CUX2: variants seen among roughly 807,000 people sequenced by gnomAD.
The protein encoded by CUX2 is homeobox protein cut-like 2.
In CUX2, 40 loss-of-function variants were observed where a neutral mutation model predicts 144.8. The observed-to-expected ratio is 0.28, with a 90% CI of 0.21 to 0.36. The LOEUF (loss-of-function observed/expected upper bound fraction) is 0.36, where lower values mean the gene tolerates loss of function less well. Among genes scored for constraint, CUX2 ranks in the 10% least tolerant of loss-of-function variants. The pLI is 1.00. For synonymous variants in CUX2, 827 were observed against 875.6 expected (o/e 0.94, Z 0.98); for missense variants, 1,615 against 1,994.0 (o/e 0.81, Z 3.62).
At chr12:111,089,226 C>A (rs1171292126) in intron 1 of CUX2, among the ~76,000 whole-genome samples, 2 of 152,238 alleles carry the variant, frequency 1.3e-5, no homozygotes, top group African/African-American at 2.4e-5. Context: ...AGGGCACAGG[C>A]CCTGGAGGCC....
intron 3 of CUX2, among the ~76,000 whole-genome samples, chr12:111,262,069 C>T (rs1415611584): frequency 6.6e-6 from 1 of 152,156 alleles, no homozygotes; most frequent in Non-Finnish European, 1.5e-5. Flanking sequence ...GGGTCAGCCT[C>T]CCCCCAATTT....
At position 111,338,286 on chromosome 12, in the gene CUX2, G is replaced by A; in HGVS notation, c.3197G>A (p.Gly1066Glu). 1 of 1,606,230 alleles carries A rather than the reference G, an allele frequency of 6.2e-7. No homozygotes were observed. Among genetic ancestry groups the A allele is most frequent in the Non-Finnish European group, 8.5e-7 (1 of 1,175,960 alleles). Residue 1066 changes from glycine to glutamate, a missense_variant and splice_region_variant, in exon 20 of 22, where the codon GGG becomes GAG. Physicochemically the swap from Gly to Glu is moderately conservative, Grantham distance 98. Coordinates refer to ENST00000261726, the MANE Select transcript of CUX2 (RefSeq NM_015267.4). Reference sequence around the variant, plus strand: ...GATTGCTCCCCTCCCCTATCCCCAGGGCAGCGGCTGTTTGGGGAAAGCATC... The same window carrying A: ...GATTGCTCCCCTCCCCTATCCCCAGAGCAGCGGCTGTTTGGGGAAAGCATC... Reference protein sequence around the residue: ...VKEVLTDNNLGQRLFGESILG... With the variant: ...VKEVLTDNNLEQRLFGESILG...
chr12:111,150,457 G>A (rs1471527759), intron 1 of CUX2, among the ~76,000 whole-genome samples: 1 of 152,204 alleles, frequency 6.6e-6, no homozygotes, highest in Non-Finnish European at 1.5e-5. Flanking sequence ...TCAGCTGTGT[G>A]TGGGTAACAC....
In CUX2 at chr12:111,296,493, G is replaced by T; in HGVS notation, c.658G>T (p.Glu220Ter). The change falls in exon 8 of 22, where the codon GAG becomes TAG. Residue 220 changes from glutamate (E) to a stop codon, truncating the protein, a stop_gained. Coordinates refer to ENST00000261726, the MANE Select transcript of CUX2 (RefSeq NM_015267.4). LOFTEE classifies it high-confidence loss of function. ...CCCAGCGCTAAAGGCTACGCAGGCAGAGCTGCTAGAGCTGCGGCGGAAGTA... is the reference window on the plus strand; with the variant it reads ...CCCAGCGCTAAAGGCTACGCAGGCATAGCTGCTAGAGCTGCGGCGGAAGTA... ...LHSALKATQAELLELRRKYDE... is the reference protein window; with the variant it reads ...LHSALKATQA 6.2e-7 allele frequency: 1 copy of T among 1,610,652 alleles called. No individual in the cohort carries two copies. Among genetic ancestry groups the T allele is most frequent in the South Asian group, 1.1e-5 (1 of 90,262 alleles).
intron 4 of CUX2, among the ~76,000 whole-genome samples, chr12:111,290,422 C>T (rs1592923759): frequency 6.6e-6 from 1 of 151,984 alleles, no homozygotes; most frequent in East Asian, 1.9e-4. Flanking sequence ...CCACCATGCC[C>T]AGCTAATTTT....
chr12:111,136,485 G>A lies in CUX2; in HGVS notation c.64-77715G>A, dbSNP rs923632874. ...GCCTCTTGACAGGGAGACCCCAGCT[G>A]CATTTGAGCAGCCTCTGGAAAAATT... On this transcript the variant is annotated intron_variant, in intron 1 of 21. Transcript: ENST00000261726. Among the ~76,000 whole-genome samples the A allele has an allele frequency of 2.0e-5, 3 of 152,314 alleles. No homozygotes were observed. The South Asian group carries it at 6.2e-4, about 32-fold the overall frequency.
At chr12:111,099,464 G>C in intron 1 of CUX2, 1 of 432,922 alleles carries the variant, frequency 2.3e-6, no homozygotes, top group Admixed American at 2.5e-5. Context: ...GCCAGGTTGG[G>C]TCACTGCTGG....
At chr12:111,187,163 T>C (rs1036716076) in intron 1 of CUX2, among the ~76,000 whole-genome samples, 2 of 152,212 alleles carry the variant, frequency 1.3e-5, no homozygotes. Flanking sequence ...TGTTCACTTA[T>C]GCTACCCTTG....
chr12:111,078,872 T>A (rs1461133555), intron 1 of CUX2, among the ~76,000 whole-genome samples: 1 of 151,950 alleles, frequency 6.6e-6, no homozygotes, highest in Non-Finnish European at 1.5e-5. Flanking sequence ...GGGAAGCGGA[T>A]GGGTTCGATC....
At chr12:111,168,364 C>T (rs985036639) in intron 1 of CUX2, among the ~76,000 whole-genome samples, 1 of 152,224 alleles carries the variant, frequency 6.6e-6, no homozygotes, top group Non-Finnish European at 1.5e-5. Context: ...TGTCACCTGT[C>T]CCCTGCAGAT....
rs1243920166 is a variant in CUX2, at chr12:111,255,063, C to G, written c.223-8698C>G. 6.6e-6 allele frequency among the ~76,000 whole-genome samples: 1 copy of G among 152,200 alleles called. No individual in the cohort carries two copies. The highest frequency in any genetic ancestry group is 2.4e-5 in the African/African-American group (1 of 41,458). On this transcript the variant is annotated intron_variant, in intron 3 of 21. Coordinates refer to ENST00000261726, the MANE Select transcript of CUX2 (RefSeq NM_015267.4). The surrounding 1 kb of genome is among the most constrained non-coding windows in gnomAD (Gnocchi z 4.1). ...TGTTGGCCAGGCTGGTCTCGAACTCCTGACCACAGATGATCCCTCCGCCTC... is the reference window on the plus strand; with the variant it reads ...TGTTGGCCAGGCTGGTCTCGAACTCGTGACCACAGATGATCCCTCCGCCTC...
At chr12:111,103,071 C>T (rs1435700825) in intron 1 of CUX2, among the ~76,000 whole-genome samples, 1 of 152,152 alleles carries the variant, frequency 6.6e-6, no homozygotes, top group Non-Finnish European at 1.5e-5. Flanking sequence ...AGAGGGGACA[C>T]TCCTCTTACC....
intron 1 of CUX2, among the ~76,000 whole-genome samples, chr12:111,062,149 C>T (rs1870805871): frequency 6.6e-6 from 1 of 152,174 alleles, no homozygotes; most frequent in Non-Finnish European, 1.5e-5. Context: ...CTCACTTAAT[C>T]CTTGCGGAAT....
intron 21 of CUX2, among the ~76,000 whole-genome samples, chr12:111,346,677 T>C (rs1267546255): frequency 1.3e-5 from 2 of 152,208 alleles, no homozygotes; most frequent in African/African-American, 4.8e-5. Context: ...TTCTATGACC[T>C]TGGACAAGTT....
At chr12:111,084,620 T>G (rs967447400) in intron 1 of CUX2, among the ~76,000 whole-genome samples, 1 of 152,244 alleles carries the variant, frequency 6.6e-6, no homozygotes, top group Non-Finnish European at 1.5e-5. Flanking sequence ...ACACTTTATA[T>G]TTCTGCGAAC....
At chr12:111,233,275 G>A (rs1403480083) in intron 3 of CUX2, among the ~76,000 whole-genome samples, 2 of 152,154 alleles carry the variant, frequency 1.3e-5, no homozygotes, top group Middle Eastern at 3.4e-3. Context: ...CTGGCTCGCT[G>A]GCCACCATTG....
intron 4 of CUX2, among the ~76,000 whole-genome samples, chr12:111,282,883 G>C (rs973184228): frequency 1.3e-5 from 2 of 151,966 alleles, no homozygotes; most frequent in African/African-American, 2.4e-5. Flanking sequence ...CCCACCAAAG[G>C]CTGTTCAGAA....
chr12:111,154,069 C>G (rs1243813474), intron 1 of CUX2, among the ~76,000 whole-genome samples: 3 of 152,064 alleles, frequency 2.0e-5, no homozygotes, highest in Admixed American at 6.6e-5. Flanking sequence ...GTTAAAAGAC[C>G]CTGTCTCCAA....
rs550106082 is a variant in CUX2 at position 111,293,825 on chromosome 12, AG to A, written c.560+259del. On this transcript the variant is annotated intron_variant, in intron 6 of 21. Coordinates refer to ENST00000261726, the MANE Select transcript of CUX2 (RefSeq NM_015267.4). This position sits in a 1 kb window ranked among gnomAD's most constrained non-coding sequence, Gnocchi z 4.5. ...CTTCCCTACCTGGGAAATGGGGCTAAGGGTGGTCCATTCCTCAGCATTCTCT... is the reference window on the plus strand; with the variant it reads ...CTTCCCTACCTGGGAAATGGGGCTAAGGTGGTCCATTCCTCAGCATTCTCT... Among the ~76,000 whole-genome samples, 242 of 152,336 alleles carry A rather than the reference AG, an allele frequency of 1.6e-3. 1 individual carries two copies. The highest frequency in any genetic ancestry group is 3.2e-3 in the Non-Finnish European group (216 of 68,024).
Sources: gnomAD v4.1 joint callset for allele counts (sites outside exome capture counted in the v4.1 genomes callset) on GRCh38, gnomAD v4.1.1 for gene constraint, Gnocchi (gnomAD v3.1) non-coding constraint, MANE v1.5 for transcripts, NCBI Gene and HGNC (gene_info 2026-07-23, HGNC 2026-07-21) for gene names.